Variants in SETD3 observed in about 807,000 individuals in gnomAD.
The protein encoded by SETD3 is actin-histidine N-methyltransferase.
SETD3 carries 19 observed loss-of-function variants against 63.0 expected under a neutral mutation model. That is an observed-to-expected ratio of 0.30 (90% CI 0.21 to 0.44). SETD3 has a LOEUF of 0.44. Among genes scored for constraint, SETD3 ranks in the 20% least tolerant of loss-of-function variants. SETD3 has a pLI of 1.00. For missense variants in SETD3, 587 were observed against 728.5 expected (o/e 0.81, Z 2.24); for synonymous variants, 286 against 264.1 (o/e 1.08, Z -0.80).
chr14:99,467,799 C>G (rs937719597), intron 1 of SETD3, among the ~76,000 whole-genome samples: 5 of 152,192 alleles, frequency 3.3e-5, no homozygotes, highest in Non-Finnish European at 5.9e-5. Context: ...TCTGCACCGG[C>G]CCTCACAGGG....
chr14:99,438,335 G>A (rs182794522), intron 6 of SETD3, among the ~76,000 whole-genome samples: 3 of 152,250 alleles, frequency 2.0e-5, no homozygotes, highest in Admixed American at 1.3e-4. Flanking sequence ...CATACAAAAG[G>A]TTTCAAATAT....
At chr14:99,423,587 G>GC (rs1267299284) in intron 6 of SETD3, among the ~76,000 whole-genome samples, 8 of 1,894 alleles carry the variant, frequency 4.2e-3, no homozygotes, top group Non-Finnish European at 0.015. Flanking sequence ...GCACTGTTAT[G>GC]CAAAAAAAAA....
intron 6 of SETD3, among the ~76,000 whole-genome samples, chr14:99,427,312 C>G (rs1892935427): frequency 6.6e-6 from 1 of 152,030 alleles, no homozygotes. Context: ...TAAGGATAAC[C>G]AAAATAACCA....
rs781536514 is a variant in SETD3 at position 99,405,213 on chromosome 14, G to A, written c.1083C>T (p.Gly361=). Residue 361 remains glycine (G), a synonymous_variant, in exon 10 of 13, where the codon GGC becomes GGT. Coordinates refer to ENST00000331768, the MANE Select transcript of SETD3 (RefSeq NM_032233.3). ...GATGTTTTTCTACGTACGTGGGGAT[G>A]CCGGCACGAGCCAAGACCTCGGCCT... The part of the protein sequence containing the change: ...AMKAEVLARA[G]IPTSSVFALH... The A allele has an allele frequency of 1.2e-5, 19 of 1,612,150 alleles. No homozygotes were observed. The South Asian group carries it at 2.1e-4, about 18-fold the overall frequency.
chr14:99,419,130 T>C lies in SETD3; in HGVS notation c.676-5196A>G, dbSNP rs149006672. 5.8e-3 allele frequency among the ~76,000 whole-genome samples: 881 copies of C among 152,352 alleles called. 9 individuals carry two copies. The highest frequency in any genetic ancestry group is 0.02 in the African/African-American group (845 of 41,576). ...GAAAAAAATCAATTTTTAAGACTTT[T>C]ATTTTTAAGCACAGATTATATCCAA... is the stretch of plus-strand genomic sequence containing the variant. On this transcript the variant is annotated intron_variant, in intron 6 of 12. Coordinates refer to ENST00000331768, the MANE Select transcript of SETD3 (RefSeq NM_032233.3).
At chr14:99,461,544 T>C (rs977316798) in intron 3 of SETD3, among the ~76,000 whole-genome samples, 2 of 152,162 alleles carry the variant, frequency 1.3e-5, no homozygotes, top group Non-Finnish European at 2.9e-5. Flanking sequence ...CTAAACTCCC[T>C]GTCAGTTACA....
chr14:99,436,342 C>T (rs1348713620), intron 6 of SETD3, among the ~76,000 whole-genome samples: 1 of 152,148 alleles, frequency 6.6e-6, no homozygotes, highest in Admixed American at 6.5e-5. Context: ...ACGGCCTGGT[C>T]TACATAGAGC....
intron 1 of SETD3, among the ~76,000 whole-genome samples, chr14:99,472,047 T>C (rs1298571954): frequency 1.3e-5 from 2 of 152,280 alleles, no homozygotes; most frequent in South Asian, 2.1e-4. Context: ...CTCCAGCATA[T>C]AGGTGGACTC....
rs1188702914 is a variant in SETD3 at position 99,403,453 on chromosome 14, A to ACTCTCTCTCTCTCTCTCTCT, written c.1177+771_1177+772insAGAGAGAGAGAGAGAGAGAG. Among the ~76,000 whole-genome samples the ACTCTCTCTCTCTCTCTCTCT allele has an allele frequency of 5.5e-4, 58 of 106,178 alleles. No individual in the cohort carries two copies. The East Asian group carries it at 8.0e-3, about 15-fold the overall frequency. The allele number at this position is 106,178 out of a possible 152,430, so 69.7% of individuals were successfully genotyped here. A position where few individuals can be genotyped will look rare whatever the true frequency, so the allele number is the denominator to read the frequency against. ...CATACACACACACACACACACACAC[A>ACTCTCTCTCTCTCTCTCTCT]CACTCTCTCTCTCTCTCTCTCTCTC... is the stretch of plus-strand genomic sequence containing the variant. On this transcript the variant is annotated intron_variant, in intron 11 of 12. Coordinates refer to ENST00000331768, the MANE Select transcript of SETD3 (RefSeq NM_032233.3).
At chr14:99,430,414 C>G (rs906679851) in intron 6 of SETD3, among the ~76,000 whole-genome samples, 1 of 152,094 alleles carries the variant, frequency 6.6e-6, no homozygotes, top group African/African-American at 2.4e-5. Context: ...GTTTTCTATT[C>G]CATGTATATA....
rs1248341345 is a variant in SETD3, at chr14:99,405,383, TAAAGAAA to T, written c.925-19_925-13del. The T allele has an allele frequency of 2.5e-6, 4 of 1,606,818 alleles. No individual in the cohort carries two copies. The Admixed American group carries it at 6.9e-5, about 28-fold the overall frequency. On this transcript the variant is annotated splice_polypyrimidine_tract_variant and intron_variant, in intron 9 of 12. Transcript: ENST00000331768. ...TAAAAAATGTAAATCTGAGATGCAG[TAAAGAAA>T]AAAGAAAAGGGCATTAGACAAACTT... is the stretch of plus-strand genomic sequence containing the variant.
intron 6 of SETD3, among the ~76,000 whole-genome samples, chr14:99,435,433 C>T (rs1447235659): frequency 2.0e-5 from 3 of 152,104 alleles, no homozygotes; most frequent in African/African-American, 7.2e-5. Context: ...TCTTACTTCC[C>T]GATAGCTTGT....
chr14:99,474,061 C>G (rs918238005), intron 1 of SETD3, among the ~76,000 whole-genome samples: 3 of 152,190 alleles, frequency 2.0e-5, no homozygotes, highest in Non-Finnish European at 2.9e-5. Flanking sequence ...TGGCTCACAC[C>G]TGCAATCCCA....
At chr14:99,399,366 A>G (rs1268149204) in intron 12 of SETD3, among the ~76,000 whole-genome samples, 2 of 152,222 alleles carry the variant, frequency 1.3e-5, no homozygotes, top group Non-Finnish European at 1.5e-5. Context: ...ACAAGAAAGA[A>G]CAGCCTAAAT....
intron 6 of SETD3, 30 bp from the exon 7 acceptor site, chr14:99,413,964 G>A: frequency 5.6e-6 from 9 of 1,592,942 alleles, no homozygotes; most frequent in East Asian, 2.2e-5. Flanking sequence ...GAAAGCAGAG[G>A]TGAAAAGAGA....
In SETD3 at chr14:99,398,515, G is replaced by T; in HGVS notation, c.*164C>A. Reference sequence around the variant, plus strand: ...ATGGCAATCTTAATCAAAAAGGGAAGCTAGATTTTTAAAATAACTTAAAAA... The same window carrying T: ...ATGGCAATCTTAATCAAAAAGGGAATCTAGATTTTTAAAATAACTTAAAAA... On this transcript the variant is annotated 3_prime_UTR_variant, in exon 13 of 13. Coordinates refer to ENST00000331768, the MANE Select transcript of SETD3 (RefSeq NM_032233.3). 3.0e-6 allele frequency: 2 copies of T among 661,370 alleles called. No homozygotes were observed. The highest frequency in any genetic ancestry group is 2.3e-5 in the South Asian group (1 of 44,050). The allele number at this position is 661,370 out of a possible 1,614,324, so 41.0% of individuals were successfully genotyped here. A position where few individuals can be genotyped will look rare whatever the true frequency, so the allele number is the denominator to read the frequency against.
At chr14:99,407,363 A>T (rs1891738966) in intron 8 of SETD3, among the ~76,000 whole-genome samples, 1 of 152,166 alleles carries the variant, frequency 6.6e-6, no homozygotes, top group Non-Finnish European at 1.5e-5. Context: ...TCAGCATTTC[A>T]TCTTGTAAAT....
intron 6 of SETD3, among the ~76,000 whole-genome samples, chr14:99,423,145 A>G (rs1892677826): frequency 6.6e-6 from 1 of 152,222 alleles, no homozygotes; most frequent in South Asian, 2.1e-4. Flanking sequence ...TACAGCAGGG[A>G]GGTGTAAAGG....
At chr14:99,433,333 A>G (rs1025114556) in intron 6 of SETD3, among the ~76,000 whole-genome samples, 6 of 152,160 alleles carry the variant, frequency 3.9e-5, no homozygotes, top group African/African-American at 1.4e-4. Flanking sequence ...TACACACTGG[A>G]TTTCCAAAAC....
Sources: allele counts gnomAD v4.1 joint callset (sites outside exome capture counted in the v4.1 genomes callset), GRCh38; gene constraint gnomAD v4.1.1; transcripts MANE v1.5; gene names NCBI Gene and HGNC (gene_info 2026-07-23, HGNC 2026-07-21).